Variants in CLUAP1 observed in about 807,000 individuals in gnomAD.
The protein encoded by CLUAP1 is intraflagellar transport 38.
In CLUAP1, 50 loss-of-function variants were observed where a neutral mutation model predicts 55.0. That is an observed-to-expected ratio of 0.91 (90% CI 0.72 to 1.15). The LOEUF is 1.15. Among genes scored for constraint, CLUAP1 ranks in the 50% most tolerant of loss-of-function variants. The pLI, the probability that CLUAP1 is intolerant of heterozygous loss-of-function variation, is 0.00. For synonymous variants in CLUAP1, 195 were observed against 175.4 expected (o/e 1.11, Z -0.88); for missense variants, 530 against 507.6 (o/e 1.04, Z -0.42).
intron 2 of CLUAP1, among the ~76,000 whole-genome samples, chr16:3,505,268 C>T (rs1319423888): frequency 6.6e-6 from 1 of 152,276 alleles, no homozygotes; most frequent in Non-Finnish European, 1.5e-5. Context: ...CAGTGGCTCA[C>T]GCCTGTAATC....
Position 3,537,223 on chromosome 16 carries a change from A to G in CLUAP1, c.*952A>G, listed in dbSNP as rs1236530619. 2 of 152,224 alleles carry G rather than the reference A, an allele frequency of 1.3e-5. No individual in the cohort carries two copies. The highest frequency in any genetic ancestry group is 4.8e-5 in the African/African-American group (2 of 41,446). The allele number at this position is 152,224 out of a possible 1,614,324, so 9.4% of individuals were successfully genotyped here. A position where few individuals can be genotyped will look rare whatever the true frequency, so the allele number is the denominator to read the frequency against. On this transcript the variant is annotated 3_prime_UTR_variant, in exon 12 of 12. Transcript: ENST00000576634. The stretch of plus-strand genomic sequence containing the variant: ...TCTGTAGGGGAAGGAGCCAATTAAG[A>G]AAAAGTGTTGGTACAGATTCATGTT...
At chr16:3,504,625 T>A (rs1322083865) in intron 1 of CLUAP1, 95 bp from the exon 2 acceptor site, 23 of 762,974 alleles carry the variant, frequency 3.0e-5, no homozygotes, top group African/African-American at 5.2e-5. Context: ...TGTCAATAGG[T>A]TGGAAATAAG....
intron 5 of CLUAP1, 149 bp downstream of exon 5, chr16:3,512,627 GTCCT>G: frequency 2.0e-6 from 1 of 504,286 alleles, no homozygotes; most frequent in Non-Finnish European, 3.6e-6. Flanking sequence ...GATATTAGCT[GTCCT>G]TCCTGCTTCT....
chr16:3,501,989 G>A (rs965139318), intron 1 of CLUAP1: 3 of 152,212 alleles, frequency 2.0e-5, no homozygotes, highest in African/African-American at 7.2e-5. Context: ...ACTTGGGCAG[G>A]TGATACAGGC....
chr16:3,505,568 A>C (rs79034956), intron 2 of CLUAP1, among the ~76,000 whole-genome samples: 3 of 151,866 alleles, frequency 2.0e-5, no homozygotes, highest in Non-Finnish European at 4.4e-5. Flanking sequence ...AAAAAAAAAA[A>C]AATCAGTGGA....
intron 2 of CLUAP1, 136 bp from the exon 3 acceptor site, chr16:3,506,195 C>G: frequency 4.4e-6 from 3 of 686,792 alleles, no homozygotes; most frequent in Non-Finnish European, 7.8e-6. Context: ...TGAAGTTTGC[C>G]TTGATCTCAC....
upstream of CLUAP1, among the ~76,000 whole-genome samples, chr16:3,500,527 G>T (rs971586627): frequency 5.3e-5 from 8 of 152,030 alleles, no homozygotes; most frequent in African/African-American, 1.9e-4. Flanking sequence ...GCGCCACCAC[G>T]CTTGGCAAAT....
Position 3,501,106 on chromosome 16 carries a change from C to A in CLUAP1, c.22+17C>A. ...ACCTCCGCAGTAAGGCAGCCCCGCG[C>A]CCCTGTGACCTGCGGGTCTTCCAGA... On this transcript the variant is annotated intron_variant, in intron 1 of 11. Coordinates refer to ENST00000576634, the MANE Select transcript of CLUAP1 (RefSeq NM_015041.3). 1 of 1,585,508 alleles carries A rather than the reference C, an allele frequency of 6.3e-7. No individual in the cohort carries two copies. Among genetic ancestry groups the A allele is most frequent in the East Asian group, 2.3e-5 (1 of 43,846 alleles).
chr16:3,502,994 CT>C (rs1382878749), intron 1 of CLUAP1, among the ~76,000 whole-genome samples: 1 of 151,990 alleles, frequency 6.6e-6, no homozygotes, highest in African/African-American at 2.4e-5. Context: ...CTTTTCTGTT[CT>C]TTTTTTGAGA....
At chr16:3,522,791 ATT>A (rs202015918) in intron 7 of CLUAP1, among the ~76,000 whole-genome samples, 1 of 150,610 alleles carries the variant, frequency 6.6e-6, no homozygotes, top group Admixed American at 6.6e-5. Flanking sequence ...GGTATATTTA[ATT>A]TTTTTTTTAA....
chr16:3,521,513 C>T (rs1279217113), intron 7 of CLUAP1, among the ~76,000 whole-genome samples: 1 of 151,396 alleles, frequency 6.6e-6, no homozygotes, highest in Non-Finnish European at 1.5e-5. Context: ...CGGCTCACTG[C>T]AAACTCTGCC....
intron 11 of CLUAP1, chr16:3,535,618 G>C (rs1483938393): frequency 6.6e-6 from 1 of 152,348 alleles, no homozygotes; most frequent in Non-Finnish European, 1.5e-5. Context: ...GGAGTGCAGT[G>C]GTGCAATCTC....
chr16:3,514,189 A>G (rs1221007458), intron 5 of CLUAP1, among the ~76,000 whole-genome samples: 1 of 152,224 alleles, frequency 6.6e-6, no homozygotes, highest in African/African-American at 2.4e-5. Flanking sequence ...GATTGCCACT[A>G]GAGCTGTGGC....
intron 11 of CLUAP1, chr16:3,534,118 A>G (rs1307626199): frequency 1.3e-5 from 2 of 152,268 alleles, no homozygotes; most frequent in African/African-American, 4.8e-5. Flanking sequence ...TGGGGAACGC[A>G]GCAGGGGCAG....
chr16:3,521,852 C>G (rs563389886), intron 7 of CLUAP1, among the ~76,000 whole-genome samples: 1 of 151,608 alleles, frequency 6.6e-6, no homozygotes, highest in South Asian at 2.1e-4. Context: ...CTCAGGGGTT[C>G]AAGACCAGCC....
At chr16:3,534,158 C>G (rs1176668320) in intron 11 of CLUAP1, 2 of 152,108 alleles carry the variant, frequency 1.3e-5, no homozygotes, top group Non-Finnish European at 2.9e-5. Context: ...GGCTCACACC[C>G]CAGCAATAAT....
intron 4 of CLUAP1, 126 bp from the exon 5 acceptor site, chr16:3,512,257 A>AGGCTGAGGTCGGAGGGTCACTTGAGGCC (rs2037642406): frequency 3.2e-6 from 2 of 626,430 alleles, no homozygotes; most frequent in East Asian, 5.6e-5. Flanking sequence ...ACACTTTGGG[A>AGGCTGAGGTCGGAGGGTCACTTGAGGCC]GGCTGAGGTC....
intron 9 of CLUAP1, 76 bp from the exon 10 acceptor site, chr16:3,530,492 A>T: frequency 9.9e-7 from 1 of 1,008,736 alleles, no homozygotes; most frequent in African/African-American, 1.6e-5. Context: ...TTTTGCACAC[A>T]GACCTTACTG....
intron 9 of CLUAP1, among the ~76,000 whole-genome samples, chr16:3,529,789 A>ATATAT (rs1171695439): frequency 1.6e-5 from 1 of 61,064 alleles, no homozygotes; most frequent in Non-Finnish European, 2.8e-5. Context: ...ATTATATAAT[A>ATATAT]TATATTATAT....
Sources: gnomAD v4.1 joint callset for allele counts (sites outside exome capture counted in the v4.1 genomes callset) on GRCh38, gnomAD v4.1.1 for gene constraint, MANE v1.5 for transcripts, NCBI Gene and HGNC (gene_info 2026-07-23, HGNC 2026-07-21) for gene names.